The following VPS52 variants were observed in gnomAD, a reference collection of about 807,000 sequenced individuals.
VPS52 encodes VPS52 subunit of GARP complex.
A neutral mutation model predicts 98.7 loss-of-function variants in VPS52; 56 were observed. That is an observed-to-expected ratio of 0.57 (90% confidence interval 0.46 to 0.71). VPS52 has a LOEUF of 0.71. Among genes scored for constraint, VPS52 ranks in the 30% least tolerant of loss-of-function variants. The pLI, the probability that VPS52 is intolerant of heterozygous loss-of-function variation, is 0.00. For synonymous variants in VPS52, 348 were observed against 346.4 expected, an observed-to-expected ratio of 1.00 and a Z score of -0.05; for missense variants, 742 against 925.9, an observed-to-expected ratio of 0.80 and a Z score of 2.58.
chr6:33,269,586 T>C, intron 4 of VPS52, 29 bp from the exon 5 acceptor site: 1 of 1,600,806 alleles, frequency 6.2e-7, no homozygotes, highest in Non-Finnish European at 8.5e-7. Context: ...AGGGGCCTCA[T>C]GGTGAAGATG....
At chr6:33,254,774 T>C (rs528385265) in intron 17 of VPS52, 4 of 152,196 alleles carry the variant, frequency 2.6e-5, no homozygotes, top group African/African-American at 7.2e-5. Flanking sequence ...CCTGGCTCAG[T>C]GATTATCCCA....
intron 19 of VPS52, 129 bp from the exon 20 acceptor site, chr6:33,251,116 G>T: frequency 7.7e-7 from 1 of 1,306,230 alleles, no homozygotes; most frequent in Non-Finnish European, 1.1e-6. Flanking sequence ...GGCCATGGCG[G>T]GCAGATCACG....
chr6:33,271,840 A>G lies in VPS52; in HGVS notation c.-165T>C. On this transcript the variant is annotated 5_prime_UTR_variant, in exon 1 of 20. Coordinates refer to ENST00000445902, the MANE Select transcript of VPS52 (RefSeq NM_022553.6). ...CTTTCAGCTCTAACCACTTCACCCA[A>G]CTGCAAATGGAAATATGGAAGTCTG... 7.2e-7 allele frequency: 1 copy of G among 1,391,536 alleles called. No homozygotes were observed. Among genetic ancestry groups the G allele is most frequent in the Non-Finnish European group, 9.5e-7 (1 of 1,054,588 alleles). 86.2% of individuals were successfully genotyped at this position (1,391,536 alleles called of 1,614,324 possible).
At chr6:33,252,083 A>G (rs1351358430) in intron 17 of VPS52, 112 bp from the exon 18 acceptor site, 2 of 825,688 alleles carry the variant, frequency 2.4e-6, no homozygotes, top group Middle Eastern at 2.3e-4. Context: ...AGCTGCTGCA[A>G]AAGTTAAGGA....
intron 13 of VPS52, 86 bp from the exon 14 acceptor site, chr6:33,264,583 G>C (rs751591429): frequency 1.3e-6 from 2 of 1,582,064 alleles, no homozygotes; most frequent in Non-Finnish European, 1.7e-6. Flanking sequence ...CAGTTTAATG[G>C]TCAATAGCTA....
intron 17 of VPS52, among the ~76,000 whole-genome samples, chr6:33,253,854 A>C (rs1762610879): frequency 6.6e-6 from 1 of 152,212 alleles, no homozygotes; most frequent in Non-Finnish European, 1.5e-5. Context: ...TGGGGGACAC[A>C]GAAGGAGGAT....
chr6:33,267,870 C>A lies in VPS52; in HGVS notation c.928G>T (p.Val310Leu). The A allele has an allele frequency of 2.5e-6, 4 of 1,613,098 alleles. No homozygotes were observed. Among genetic ancestry groups the A allele is most frequent in the Non-Finnish European group, 3.4e-6 (4 of 1,180,038 alleles). ...YRSYLGRLMK[V>L]QYEEVAEKDD... The stretch of plus-strand genomic sequence containing the variant: ...CCTCTCCCTCCTGACCTTACCTGCA[C>A]CTTCATGAGCCGCCCCAGGTAAGAG... Residue 310 changes from valine (V) to leucine (L), a missense_variant, in exon 9 of 20, where the codon GTG becomes TTG. Val to Leu is a conservative substitution (Grantham distance 32). Around this residue, in one of 2 missense-constraint regions of VPS52, gnomAD observed 590 missense variants for 793.3 expected, o/e 0.74. Coordinates refer to ENST00000445902, the MANE Select transcript of VPS52 (RefSeq NM_022553.6). This position sits in a 1 kb window ranked among gnomAD's most constrained non-coding sequence, Gnocchi z 4.2.
intron 17 of VPS52, among the ~76,000 whole-genome samples, chr6:33,255,794 TAAA>T (rs35038222): frequency 7.1e-5 from 7 of 97,952 alleles, no homozygotes; most frequent in South Asian, 3.2e-4. Context: ...AGACTCTGTC[TAAA>T]AAAAAAAAAA....
intron 17 of VPS52, among the ~76,000 whole-genome samples, chr6:33,262,510 C>T (rs1286425116): frequency 6.6e-6 from 1 of 152,198 alleles, no homozygotes; most frequent in Non-Finnish European, 1.5e-5. Context: ...TCAGCAATCC[C>T]ACTGCTGGGT....
At chr6:33,263,713 AGCAGTGGGGG>A in intron 16 of VPS52, 49 bp downstream of exon 16, 1 of 1,597,516 alleles carries the variant, frequency 6.3e-7, no homozygotes, top group Non-Finnish European at 8.6e-7. Flanking sequence ...CAGAGCTAAC[AGCAGTGGGGG>A]AAACCGAATT....
In VPS52 at chr6:33,271,642, G is replaced by A. The variant is rs754610511; in HGVS notation, c.34C>T (p.Arg12Trp). 12 of 1,610,724 alleles carry A rather than the reference G, an allele frequency of 7.5e-6. No homozygotes were observed. Among genetic ancestry groups the A allele is most frequent in the South Asian group, 1.1e-5 (1 of 90,706 alleles). The change falls in exon 1 of 20, where the codon CGG becomes TGG. Residue 12 changes from arginine to tryptophan, a missense_variant. Physicochemically the swap from Arg to Trp is moderately radical, Grantham distance 101. Coordinates refer to ENST00000445902, the MANE Select transcript of VPS52 (RefSeq NM_022553.6). ...AAAATMAAAA[R>W]ELVLRAGTSD... ...GTCCCAGCCCGCAACACCAGTTCCC[G>A]GGCCGCAGCCGCCATGGTCGCAGCG...
rs142124369 is a variant in VPS52, at chr6:33,263,414, C to CACACACACACAGAG, written c.1794+69_1794+70insCTCTGTGTGTGTGT. The CACACACACACAGAG allele has an allele frequency of 7.1e-4, 690 of 973,558 alleles. 2 individuals are homozygous for CACACACACACAGAG. The East Asian group carries it at 7.2e-3, about 10-fold the overall frequency. The allele number at this position is 973,558 out of a possible 1,614,324, so 60.3% of individuals were successfully genotyped here. A position where few individuals can be genotyped will look rare whatever the true frequency, so the allele number is the denominator to read the frequency against. ...ACACACACACACACACACACACACA[C>CACACACACACAGAG]AGAGAGAGAGAGAGAGAGAGCTGAA... is the stretch of plus-strand genomic sequence containing the variant. On this transcript the variant is annotated intron_variant, in intron 17 of 19. Transcript: ENST00000445902.
rs1206729134 is a variant in VPS52, at chr6:33,267,751, GAA to G, written c.934-14_934-13del. 1 of 1,612,846 alleles carries G rather than the reference GAA, an allele frequency of 6.2e-7. No individual in the cohort carries two copies. Among genetic ancestry groups the G allele is most frequent in the Admixed American group, 1.7e-5 (1 of 59,980 alleles). On this transcript the variant is annotated splice_polypyrimidine_tract_variant and intron_variant, in intron 9 of 19. Transcript: ENST00000445902. This position sits in a 1 kb window ranked among gnomAD's most constrained non-coding sequence, Gnocchi z 4.2. ...GCGACTTCCTCATACTAAGGAAAGA[GAA>G]AAGAGAACTGATAACCGTCTCTTCC...
chr6:33,256,820 G>A (rs1267707191), intron 17 of VPS52, among the ~76,000 whole-genome samples: 4 of 139,932 alleles, frequency 2.9e-5, no homozygotes, highest in African/African-American at 1.1e-4. Flanking sequence ...CAGCCTGGGT[G>A]ACAAGAGTGA....
At position 33,264,420 on chromosome 6, in the gene VPS52, C is replaced by T. The variant is rs1764038119; in HGVS notation, c.1478G>A (p.Ser493Asn). Residue 493 changes from serine (S) to asparagine (N), a missense_variant, in exon 14 of 20, where the codon AGC becomes AAC. By Grantham distance (46) the Ser-to-Asn change is conservative. This residue lies in a region of VPS52 where 590 missense variants were observed against 793.3 expected (regional missense o/e 0.74). Transcript: ENST00000445902. Reference sequence around the variant, plus strand: ...CCCCCCTAGGCGCTGGGGGTCAGTGCTTCGGACGCTCTGAACATTCATCTC... The same window carrying T: ...CCCCCCTAGGCGCTGGGGGTCAGTGTTTCGGACGCTCTGAACATTCATCTC... The part of the protein sequence containing the change: ...ILEMNVQSVR[S>N]TDPQRLGGLD... The T allele has an allele frequency of 6.2e-7, 1 of 1,614,056 alleles. No individual in the cohort carries two copies. Among genetic ancestry groups the T allele is most frequent in the African/African-American group, 1.3e-5 (1 of 74,908 alleles).
chr6:33,251,460 G>T, intron 19 of VPS52, 58 bp downstream of exon 19: 1 of 1,224,538 alleles, frequency 8.2e-7, no homozygotes, highest in Non-Finnish European at 1.2e-6. Context: ...CCAGCAAAAA[G>T]ATGGGGAAAA....
At position 33,271,307 on chromosome 6, in the gene VPS52, T is replaced by G. The variant is rs183840381; in HGVS notation, c.90+279A>C. 33 of 637,972 alleles carry G rather than the reference T, an allele frequency of 5.2e-5. No individual in the cohort carries two copies. In the Admixed American group the frequency reaches 6.5e-4, roughly 13 times the overall value. The allele number at this position is 637,972 out of a possible 1,614,324, so 39.5% of individuals were successfully genotyped here. ...TGGCAGAGATAGAACTCAGGCAGTC[T>G]GGCTTCAGAGGCCATGTTCTTAACC... is the stretch of plus-strand genomic sequence containing the variant. On this transcript the variant is annotated intron_variant, in intron 1 of 19. Coordinates refer to ENST00000445902, the MANE Select transcript of VPS52 (RefSeq NM_022553.6).
intron 13 of VPS52, 129 bp from the exon 14 acceptor site, chr6:33,264,626 A>G (rs1487639977): frequency 9.5e-6 from 14 of 1,480,548 alleles, no homozygotes; most frequent in Middle Eastern, 1.8e-4. Context: ...GGTTGGAGAA[A>G]GGTGAGTCAA....
chr6:33,253,848 G>T (rs1762610390), intron 17 of VPS52, among the ~76,000 whole-genome samples: 2 of 152,048 alleles, frequency 1.3e-5, no homozygotes, highest in Admixed American at 1.3e-4. Context: ...AGTAACTGGG[G>T]GACACAGAAG....
Sources: allele counts gnomAD v4.1 joint callset (sites outside exome capture counted in the v4.1 genomes callset), GRCh38; gene constraint gnomAD v4.1.1; regional missense constraint gnomAD v4.1.1; non-coding constraint Gnocchi (gnomAD v3.1); transcripts MANE v1.5; gene names NCBI Gene and HGNC (gene_info 2026-07-23, HGNC 2026-07-21).